The following CSF3R variants were observed in gnomAD, a reference collection of about 807,000 sequenced individuals.
The protein encoded by CSF3R is colony stimulating factor 3 receptor.
CSF3R carries 52 observed loss-of-function variants against 84.4 expected under a neutral mutation model. The observed-to-expected ratio is 0.62, with a 90% CI of 0.49 to 0.78. The LOEUF (loss-of-function observed/expected upper bound fraction) is 0.78, where lower values mean the gene tolerates loss of function less well. Ranked by LOEUF, CSF3R falls within the 30% of genes least tolerant of loss-of-function variation. The probability of loss-of-function intolerance (pLI) is 0.00; values close to 1 mark genes in which losing one functional copy is unlikely to be tolerated. For synonymous variants in CSF3R, 384 were observed against 429.1 expected (o/e 0.89, Z 1.30); for missense variants, 890 against 1,055.7 (o/e 0.84, Z 2.17).
chr1:36,479,977 T>A, intron 2 of CSF3R: 4 of 301,354 alleles, frequency 1.3e-5, no homozygotes, highest in Non-Finnish European at 2.6e-5. Context: ...TACATCATCA[T>A]GTTGGTCACC....
In CSF3R at chr1:36,473,758, C is replaced by T. The variant is rs765680165; in HGVS notation, c.485+6G>A. ...GGAGGGGACCAAGGTGGGGGCCCCT[C>T]CTCACTTGAAACTCTTCAGAGTGAA... On this transcript the variant is annotated splice_donor_region_variant and intron_variant, in intron 5 of 16. Transcript: ENST00000373106. 6.2e-7 allele frequency: 1 copy of T among 1,614,226 alleles called. No homozygotes were observed. The highest frequency in any genetic ancestry group is 8.5e-7 in the Non-Finnish European group (1 of 1,180,036).
Position 36,469,639 on chromosome 1 carries a change from A to C in CSF3R, c.1474+13T>G. On this transcript the variant is annotated intron_variant, in intron 11 of 16. Coordinates refer to ENST00000373106, the MANE Select transcript of CSF3R (RefSeq NM_000760.4). Reference sequence around the variant, plus strand: ...TGTCCCTGGCCCTGCCCAACTTTCCAGGCCAGCCTCACCCTTCAGCAGAAA... The same window carrying C: ...TGTCCCTGGCCCTGCCCAACTTTCCCGGCCAGCCTCACCCTTCAGCAGAAA... 1 of 1,613,770 alleles carries C rather than the reference A, an allele frequency of 6.2e-7. No homozygotes were observed. The highest frequency in any genetic ancestry group is 8.5e-7 in the Non-Finnish European group (1 of 1,180,020).
At position 36,472,863 on chromosome 1, in the gene CSF3R, C is replaced by T. The variant is rs1299791476; in HGVS notation, c.674-177G>A. The T allele has an allele frequency of 2.7e-5, 21 of 764,628 alleles. No homozygotes were observed. The highest frequency in any genetic ancestry group is 4.0e-5 in the Non-Finnish European group (20 of 495,752). The allele number at this position is 764,628 out of a possible 1,614,324, so 47.4% of individuals were successfully genotyped here. A position where few individuals can be genotyped will look rare whatever the true frequency, so the allele number is the denominator to read the frequency against. ...CTCTAGGTCTCTGTTTCCGCTCTTG[C>T]CCCAGGGCCTTTGCACTGGTTGTTA... is the stretch of plus-strand genomic sequence containing the variant. On this transcript the variant is annotated intron_variant, in intron 6 of 16. Transcript: ENST00000373106. The surrounding 1 kb of genome is among the most constrained non-coding windows in gnomAD (Gnocchi z 5.0).
upstream of CSF3R, chr1:36,483,238 G>T (rs1651643625): frequency 6.6e-6 from 1 of 152,280 alleles, no homozygotes; most frequent in Non-Finnish European, 1.5e-5. Flanking sequence ...CTTGGAGGCA[G>T]GCCCTGGCTG....
chr1:36,477,659 T>C (rs1651240820), intron 3 of CSF3R: 1 of 152,310 alleles, frequency 6.6e-6, no homozygotes, highest in African/African-American at 2.4e-5. Flanking sequence ...CCCGTTTTAC[T>C]GATGGGGATG....
chr1:36,479,314 T>A, intron 3 of CSF3R, 119 bp downstream of exon 3: 1 of 1,044,766 alleles, frequency 9.6e-7, no homozygotes, highest in Non-Finnish European at 1.5e-6. Flanking sequence ...TGGCTCAGAC[T>A]TGAATCTTGT....
At position 36,467,503 on chromosome 1, in the gene CSF3R, T is replaced by G; in HGVS notation, c.1958+55A>C. On this transcript the variant is annotated intron_variant, in intron 15 of 16. Transcript: ENST00000373106. The surrounding 1 kb of genome is among the most constrained non-coding windows in gnomAD (Gnocchi z 4.1). ...GGACTTAGATGGGCCCATCTGGACCTGAGGTTCCCTGTGGGTGGGGGAAGC... is the reference window on the plus strand; with the variant it reads ...GGACTTAGATGGGCCCATCTGGACCGGAGGTTCCCTGTGGGTGGGGGAAGC... 1 of 1,564,082 alleles carries G rather than the reference T, an allele frequency of 6.4e-7. No individual in the cohort carries two copies. Among genetic ancestry groups the G allele is most frequent in the South Asian group, 1.1e-5 (1 of 89,666 alleles).
chr1:36,467,771 G>C lies in CSF3R; in HGVS notation c.1864+51C>G, dbSNP rs539481635. 6.2e-7 allele frequency: 1 copy of C among 1,614,004 alleles called. No homozygotes were observed. Among genetic ancestry groups the C allele is most frequent in the African/African-American group, 1.3e-5 (1 of 75,044 alleles). ...TACTCTCAAAATCAGCATCCTTTGG[G>C]TGGGGTACCCTCCAAACAGCCATCT... is the stretch of plus-strand genomic sequence containing the variant. On this transcript the variant is annotated intron_variant, in intron 14 of 16. Transcript: ENST00000373106. This position sits in a 1 kb window ranked among gnomAD's most constrained non-coding sequence, Gnocchi z 4.1.
chr1:36,471,337 G>A (rs1650708720), intron 10 of CSF3R, 96 bp downstream of exon 10: 1 of 1,254,744 alleles, frequency 8.0e-7, no homozygotes, highest in Non-Finnish European at 1.2e-6. Context: ...GTGAGCCACT[G>A]CGCCCGGCCA....
chr1:36,473,376 T>G (rs1650903233), intron 6 of CSF3R, 59 bp downstream of exon 6: 1 of 1,587,256 alleles, frequency 6.3e-7, no homozygotes, highest in African/African-American at 1.3e-5. Context: ...TGTTTCCCTC[T>G]CCATTCCTCT....
chr1:36,476,021 T>A, intron 3 of CSF3R: 1 of 231,910 alleles, frequency 4.3e-6, no homozygotes, highest in Non-Finnish European at 8.6e-6. Context: ...GCACAATTAG[T>A]TTTTGCAAGC....
At position 36,472,603 on chromosome 1, in the gene CSF3R, AG is replaced by A; in HGVS notation, c.756del (p.Trp253GlyfsTer10). ...APPQAGCLQLCWEPWQPGLHI... is the reference protein window; with the variant it reads ...APPQAGCLQLXWEPWQPGLHI... The stretch of plus-strand genomic sequence containing the variant: ...TGCAGGCCTGGCTGCCATGGCTCCC[AG>A]CACAGCTGTAGGCAGCCTGCCTGGG... On this transcript the variant is annotated frameshift_variant, in exon 7 of 17. Transcript: ENST00000373106. LOFTEE classifies it high-confidence loss of function. This position sits in a 1 kb window ranked among gnomAD's most constrained non-coding sequence, Gnocchi z 5.0. 6.2e-7 allele frequency: 1 copy of A among 1,613,894 alleles called. No homozygotes were observed. Among genetic ancestry groups the A allele is most frequent in the Non-Finnish European group, 8.5e-7 (1 of 1,179,964 alleles).
chr1:36,472,568 C>T lies in CSF3R; in HGVS notation c.792G>A (p.Gln264=), dbSNP rs1650840817. The change falls in exon 7 of 17, where the codon CAG becomes CAA. Residue 264 remains glutamine, a synonymous_variant. Transcript: ENST00000373106. The surrounding 1 kb of genome is among the most constrained non-coding windows in gnomAD (Gnocchi z 5.0). ...GCGGCTTGTGGCGCAGCTCACACTT[C>T]TGATTTATGTGCAGGCCTGGCTGCC... The part of the protein sequence containing the change: ...EPWQPGLHIN[Q]KCELRHKPQR... 3 of 1,614,084 alleles carry T rather than the reference C, an allele frequency of 1.9e-6. No individual in the cohort carries two copies. Among genetic ancestry groups the T allele is most frequent in the Non-Finnish European group, 2.5e-6 (3 of 1,180,050 alleles).
At chr1:36,470,794 C>G (rs1253386102) in intron 10 of CSF3R, among the ~76,000 whole-genome samples, 1 of 152,012 alleles carries the variant, frequency 6.6e-6, no homozygotes, top group Non-Finnish European at 1.5e-5. Flanking sequence ...GCTTTCTTGG[C>G]AGAATGGGCT....
chr1:36,475,192 AG>A (rs893790647), intron 4 of CSF3R, among the ~76,000 whole-genome samples, 184 bp downstream of exon 4: 6 of 152,054 alleles, frequency 3.9e-5, no homozygotes, highest in Non-Finnish European at 7.4e-5. Flanking sequence ...TTTTTAGTAG[AG>A]GCGGGGTTTC....
chr1:36,474,867 A>C (rs556133257), intron 4 of CSF3R, among the ~76,000 whole-genome samples: 1 of 152,282 alleles, frequency 6.6e-6, no homozygotes, highest in South Asian at 2.1e-4. Context: ...AGGGCAAGTC[A>C]CTTACCCTCC....
rs146641532 is a variant in CSF3R at position 36,472,012 on chromosome 1, T to C, written c.1071+54A>G. On this transcript the variant is annotated intron_variant, in intron 9 of 16. Transcript: ENST00000373106. The surrounding 1 kb of genome is among the most constrained non-coding windows in gnomAD (Gnocchi z 5.0). ...TCCTAAGCCCCGGTTTGTAGGGATC[T>C]GTTTGGACTGCGGGAGGTGTCGAGG... 1,289 of 1,563,566 alleles carry C rather than the reference T, an allele frequency of 8.2e-4. 11 individuals carry two copies. The African/African-American group carries it at 0.016, about 19-fold the overall frequency.
At chr1:36,468,527 C>T in intron 12 of CSF3R, 1 of 284,670 alleles carries the variant, frequency 3.5e-6, no homozygotes, top group Non-Finnish European at 6.6e-6. Context: ...ATGCCAGGTC[C>T]TCTGTCCAAT....
chr1:36,479,399 T>C (rs771977957), intron 3 of CSF3R, 34 bp downstream of exon 3: 1 of 1,606,360 alleles, frequency 6.2e-7, no homozygotes, highest in Non-Finnish European at 8.5e-7. Flanking sequence ...TAGCTTCCCC[T>C]CCCCACTGCA....
Sources: allele counts gnomAD v4.1 joint callset (sites outside exome capture counted in the v4.1 genomes callset), GRCh38; gene constraint gnomAD v4.1.1; non-coding constraint Gnocchi (gnomAD v3.1); transcripts MANE v1.5; gene names NCBI Gene and HGNC (gene_info 2026-07-23, HGNC 2026-07-21).